The following LGR5 variants were observed in gnomAD, a reference collection of about 807,000 sequenced individuals.
LGR5 encodes the protein leucine rich repeat containing G protein-coupled receptor 5.
In LGR5, 54 loss-of-function variants were observed where a neutral mutation model predicts 76.7. That is an observed-to-expected ratio of 0.70 (90% CI 0.57 to 0.88). LGR5 has a LOEUF of 0.88. Ranked by LOEUF, LGR5 falls within the 40% of genes least tolerant of loss-of-function variation. The pLI is 0.00. For missense variants in LGR5, 1,078 were observed against 1,073.3 expected, an observed-to-expected ratio of 1.00 and a Z score of -0.06; for synonymous variants, 406 against 421.9, an observed-to-expected ratio of 0.96 and a Z score of 0.46.
chr12:71,569,611 C>G (rs1354649815), intron 11 of LGR5, among the ~76,000 whole-genome samples: 3 of 152,166 alleles, frequency 2.0e-5, no homozygotes. Flanking sequence ...CAATGAGATA[C>G]CATCTCACAC....
chr12:71,519,266 C>G (rs1310447283), intron 2 of LGR5, among the ~76,000 whole-genome samples: 1 of 152,290 alleles, frequency 6.6e-6, no homozygotes, highest in African/African-American at 2.4e-5. Flanking sequence ...TGCTGAAATG[C>G]CTACTCAGCA....
intron 3 of LGR5, among the ~76,000 whole-genome samples, chr12:71,527,364 G>A (rs1253686596): frequency 2.0e-5 from 3 of 152,136 alleles, no homozygotes; most frequent in African/African-American, 7.2e-5. Flanking sequence ...CACAGTTCTG[G>A]AGGCTGGGAA....
chr12:71,516,740 C>T lies in LGR5; in HGVS notation c.285-7666C>T, dbSNP rs1349769470. Among the ~76,000 whole-genome samples the T allele has an allele frequency of 2.0e-5, 3 of 152,040 alleles. No individual in the cohort carries two copies. In the East Asian group the frequency reaches 5.8e-4, roughly 29 times the overall value. ...GGTTTTTACAGCACCAAAACATCTA[C>T]CTGTTTGATTTATCGAAAAAGGAAT... On this transcript the variant is annotated intron_variant, in intron 2 of 17. Transcript: ENST00000266674.
At chr12:71,534,452 C>T (rs906303051) in intron 3 of LGR5, among the ~76,000 whole-genome samples, 1 of 152,154 alleles carries the variant, frequency 6.6e-6, no homozygotes, top group African/African-American at 2.4e-5. Context: ...TAGCCTCCTA[C>T]CATTATCCTT....
chr12:71,583,860 A>G lies in LGR5; in HGVS notation c.1850A>G (p.Asp617Gly), dbSNP rs1208115048. 1 of 1,613,924 alleles carries G rather than the reference A, an allele frequency of 6.2e-7. No homozygotes were observed. Among genetic ancestry groups the G allele is most frequent in the Non-Finnish European group, 8.5e-7 (1 of 1,180,016 alleles). The part of the protein sequence containing the change: ...GVSSAVLAGV[D>G]AFTFGSFARH... ...TCCAGTGCCGTGCTGGCTGGTGTGGATGCGTTCACTTTTGGCAGCTTTGCA... is the reference window on the plus strand; with the variant it reads ...TCCAGTGCCGTGCTGGCTGGTGTGGGTGCGTTCACTTTTGGCAGCTTTGCA... Residue 617 changes from aspartate to glycine, a missense_variant, in exon 18 of 18, where the codon GAT becomes GGT. Asp to Gly is a moderately conservative substitution (Grantham distance 94, BLOSUM62 -1). Transcript: ENST00000266674.
chr12:71,502,474 A>G (rs1874654974), intron 1 of LGR5, among the ~76,000 whole-genome samples: 1 of 152,174 alleles, frequency 6.6e-6, no homozygotes, highest in Non-Finnish European at 1.5e-5. Flanking sequence ...CTGGGATTAC[A>G]GGCGTGAGCC....
intron 1 of LGR5, among the ~76,000 whole-genome samples, chr12:71,458,535 T>C (rs1436638083): frequency 6.6e-6 from 1 of 152,188 alleles, no homozygotes; most frequent in East Asian, 1.9e-4. Context: ...CTTCTTTCAT[T>C]GTTTTAAAAG....
At chr12:71,519,609 G>C (rs2137332052) in intron 2 of LGR5, among the ~76,000 whole-genome samples, 1 of 151,532 alleles carries the variant, frequency 6.6e-6, no homozygotes, top group East Asian at 1.9e-4. Context: ...GACCAGCCTG[G>C]ACAACATGGT....
chr12:71,530,642 A>C (rs1876258230), intron 3 of LGR5, among the ~76,000 whole-genome samples: 2 of 152,214 alleles, frequency 1.3e-5, no homozygotes, highest in Non-Finnish European at 2.9e-5. Context: ...TCTGTATGGC[A>C]AAATACCCAG....
chr12:71,559,733 A>G (rs1877962998), intron 7 of LGR5, 79 bp downstream of exon 7: 1 of 769,054 alleles, frequency 1.3e-6, no homozygotes, highest in Non-Finnish European at 2.2e-6. Flanking sequence ...ATTGTTTTAC[A>G]TAATATGACT....
chr12:71,459,327 C>A (rs545725050), intron 1 of LGR5, among the ~76,000 whole-genome samples: 14 of 152,096 alleles, frequency 9.2e-5, no homozygotes, highest in Non-Finnish European at 1.9e-4. Context: ...CATTTATTTG[C>A]ACCCCTAATA....
At chr12:71,485,553 C>CA (rs1565682110) in intron 1 of LGR5, among the ~76,000 whole-genome samples, 2 of 151,838 alleles carry the variant, frequency 1.3e-5, no homozygotes, top group South Asian at 2.1e-4. Flanking sequence ...GCCATCTCTG[C>CA]AAAAAATAAA....
intron 4 of LGR5, among the ~76,000 whole-genome samples, chr12:71,539,877 C>T (rs1876789802): frequency 2.0e-5 from 3 of 152,186 alleles, no homozygotes; most frequent in African/African-American, 4.8e-5. Flanking sequence ...AGAGCCTGCC[C>T]CTGTACAGTA....
chr12:71,519,571 G>A (rs749301087), intron 2 of LGR5, among the ~76,000 whole-genome samples: 16 of 151,828 alleles, frequency 1.1e-4, no homozygotes, highest in African/African-American at 2.9e-4. Flanking sequence ...AGGCTGAGGC[G>A]GTGAATCGCT....
chr12:71,583,864 G>A lies in LGR5; in HGVS notation c.1854G>A (p.Ala618=), dbSNP rs775902008. 1.5e-5 allele frequency: 25 copies of A among 1,614,028 alleles called. No homozygotes were observed. Among genetic ancestry groups the A allele is most frequent in the East Asian group, 2.2e-5 (1 of 44,886 alleles). The change falls in exon 18 of 18, where the codon GCG becomes GCA. Residue 618 remains alanine, a synonymous_variant. Transcript: ENST00000266674. ...VSSAVLAGVD[A]FTFGSFARHG... is the part of the protein sequence containing the mutation. ...GTGCCGTGCTGGCTGGTGTGGATGC[G>A]TTCACTTTTGGCAGCTTTGCACGAC...
chr12:71,510,218 T>C (rs1875082318), intron 2 of LGR5, among the ~76,000 whole-genome samples: 1 of 152,234 alleles, frequency 6.6e-6, no homozygotes, highest in Non-Finnish European at 1.5e-5. Context: ...TCTTCATAGA[T>C]CTGCCCATTG....
Position 71,561,748 on chromosome 12 carries a change from C to T in LGR5, c.786-33C>T, listed in dbSNP as rs745742858. On this transcript the variant is annotated intron_variant, in intron 7 of 17. Transcript: ENST00000266674. ...CTCTATTAAATAATTTTACCCCACA[C>T]AGGATTTTTTATAATTTTTTTTCTC... 3.8e-5 allele frequency: 52 copies of T among 1,380,064 alleles called. No homozygotes were observed. The South Asian group carries it at 5.8e-4, about 15-fold the overall frequency. The allele number at this position is 1,380,064 out of a possible 1,614,324, so 85.5% of individuals were successfully genotyped here. A position where few individuals can be genotyped will look rare whatever the true frequency, so the allele number is the denominator to read the frequency against.
At chr12:71,573,087 A>G in intron 13 of LGR5, 166 bp downstream of exon 13, 1 of 534,082 alleles carries the variant, frequency 1.9e-6, no homozygotes, top group East Asian at 3.1e-5. Context: ...CCAGGAATAA[A>G]TCTAAAAGTA....
chr12:71,459,234 A>G (rs896114586), intron 1 of LGR5, among the ~76,000 whole-genome samples: 1 of 152,136 alleles, frequency 6.6e-6, no homozygotes, highest in Non-Finnish European at 1.5e-5. Flanking sequence ...GATTTCATAA[A>G]TGTACCTTCT....
Sources: gnomAD v4.1 joint callset for allele counts (sites outside exome capture counted in the v4.1 genomes callset) on GRCh38, gnomAD v4.1.1 for gene constraint, MANE v1.5 for transcripts, NCBI Gene and HGNC (gene_info 2026-07-23, HGNC 2026-07-21) for gene names.